Variants in KATNAL2 observed in about 807,000 individuals in gnomAD.
KATNAL2 encodes katanin catalytic subunit A1 like 2, also known as katanin p60 ATPase-containing subunit A-like 2.
Under a neutral mutation model 76.3 loss-of-function variants are expected in KATNAL2, and 52 were observed. The ratio of observed to expected loss-of-function variants is 0.68; its 90% CI spans 0.55 to 0.86. The LOEUF (loss-of-function observed/expected upper bound fraction) is 0.86. Among genes scored for constraint, KATNAL2 ranks in the 40% least tolerant of loss-of-function variants. The pLI is 0.00. For missense variants in KATNAL2, 660 were observed against 668.9 expected (o/e 0.99, Z 0.15); for synonymous variants, 243 against 244.2 (o/e 1.00, Z 0.05).
At chr18:47,083,408 A>C (rs1282496322) in intron 15 of KATNAL2, among the ~76,000 whole-genome samples, 1 of 152,212 alleles carries the variant, frequency 6.6e-6, no homozygotes, top group Non-Finnish European at 1.5e-5. Context: ...AATTCCTTAC[A>C]GTTAGTGGCA....
chr18:47,092,256 T>C lies in KATNAL2; in HGVS notation c.1212-6987T>C, dbSNP rs376687175. On this transcript the variant is annotated intron_variant, in intron 15 of 17. Transcript: ENST00000683218. ...GATCACGCCTGTAATCCCAGCACTT[T>C]GGGAGGCTGAGGCAAGCAGATCACT... Among the ~76,000 whole-genome samples, 75 of 152,200 alleles carry C rather than the reference T, an allele frequency of 4.9e-4. 3 individuals carry two copies. Among genetic ancestry groups the C allele is most frequent in the Admixed American group, 1.6e-3 (24 of 15,282 alleles).
In KATNAL2 at chr18:47,046,482, G is replaced by GA. The variant is rs1569075468; in HGVS notation, c.83dup (p.Asn28LysfsTer27). The GA allele has an allele frequency of 1.9e-5, 29 of 1,535,900 alleles. No homozygotes were observed. The highest frequency in any genetic ancestry group is 2.4e-5 in the Non-Finnish European group (28 of 1,146,792). On this transcript the variant is annotated frameshift_variant, in exon 4 of 18. Coordinates refer to ENST00000683218, the MANE Select transcript of KATNAL2 (RefSeq NM_001387690.1). LOFTEE classifies it high-confidence loss of function. ...TGCGAGATGAGGACAGAAGCACGAC[G>GA]AAAAAATCTTCTCATTTTGATTTCG...
At chr18:47,051,912 AAG>A (rs1477065864) in intron 4 of KATNAL2, among the ~76,000 whole-genome samples, 1 of 152,166 alleles carries the variant, frequency 6.6e-6, no homozygotes, top group African/African-American at 2.4e-5. Flanking sequence ...GAAAGAAAGA[AAG>A]AGAGAGAAGA....
intron 15 of KATNAL2, among the ~76,000 whole-genome samples, chr18:47,090,494 G>A (rs568123617): frequency 1.1e-4 from 16 of 152,186 alleles, no homozygotes; most frequent in African/African-American, 3.9e-4. Context: ...CATAATCTTT[G>A]GCCTCTGGAA....
At chr18:47,053,307 A>G (rs1312390725) in intron 5 of KATNAL2, among the ~76,000 whole-genome samples, 1 of 152,242 alleles carries the variant, frequency 6.6e-6, no homozygotes, top group South Asian at 2.1e-4. Flanking sequence ...TATCATAGGT[A>G]CTTTTCAGAT....
rs749385516 is a variant in KATNAL2, at chr18:47,077,398, A to G, written c.1148A>G (p.Gln383Arg). Residue 383 changes from glutamine (Q) to arginine (R), a missense_variant, in exon 15 of 18, where the codon CAG becomes CGG. Transcript: ENST00000683218. ...SLRMKTELLV[Q>R]MDGLARSEDL... ...CGGATGAAGACAGAGTTACTGGTGCAGATGGATGGGCTGGCACGCTCAGAA... is the reference window on the plus strand; with the variant it reads ...CGGATGAAGACAGAGTTACTGGTGCGGATGGATGGGCTGGCACGCTCAGAA... 6.2e-7 allele frequency: 1 copy of G among 1,614,090 alleles called. No homozygotes were observed. The highest frequency in any genetic ancestry group is 8.5e-7 in the Non-Finnish European group (1 of 1,179,918).
At chr18:47,031,659 G>C (rs1458073064) in intron 3 of KATNAL2, among the ~76,000 whole-genome samples, 1 of 152,154 alleles carries the variant, frequency 6.6e-6, no homozygotes. Flanking sequence ...GATTATTTTA[G>C]TAGAGATGGG....
chr18:47,101,991 T>C lies in KATNAL2; in HGVS notation c.*986T>C, dbSNP rs564988424. The C allele has an allele frequency of 1.3e-5, 2 of 152,322 alleles. No homozygotes were observed. The highest frequency in any genetic ancestry group is 4.1e-4 in the South Asian group (2 of 4,822). The allele number at this position is 152,322 out of a possible 1,614,324, so 9.4% of individuals were successfully genotyped here. A position where few individuals can be genotyped will look rare whatever the true frequency, so the allele number is the denominator to read the frequency against. On this transcript the variant is annotated 3_prime_UTR_variant, in exon 18 of 18. Transcript: ENST00000683218. ...CTTACCTATGGGAAATCACCTTCTT[T>C]TCTCTTCCTTGCCTTGTCTTCATCA...
At chr18:46,941,221 T>C (rs566331606) in intron 1 of KATNAL2, among the ~76,000 whole-genome samples, 1 of 149,346 alleles carries the variant, frequency 6.7e-6, no homozygotes, top group South Asian at 2.1e-4. Flanking sequence ...CTACTGGGGG[T>C]AGGGGTAGGG....
chr18:46,927,125 T>C (rs2146523199), intron 1 of KATNAL2, among the ~76,000 whole-genome samples: 1 of 152,302 alleles, frequency 6.6e-6, no homozygotes, highest in South Asian at 2.1e-4. Flanking sequence ...GATCCTGTCA[T>C]TATGATGTTA....
chr18:47,033,791 G>A (rs1162531677), intron 3 of KATNAL2: 2 of 1,614,200 alleles, frequency 1.2e-6, no homozygotes, highest in South Asian at 1.1e-5. Context: ...GGTGAAGAGA[G>A]TGCTTCTGGC....
chr18:47,042,711 A>G (rs1270884601), intron 3 of KATNAL2, among the ~76,000 whole-genome samples: 4 of 152,272 alleles, frequency 2.6e-5, no homozygotes, highest in South Asian at 4.1e-4. Context: ...ACACTGTGGG[A>G]AAAAAAGTCT....
chr18:47,033,017 A>G (rs568504684), intron 3 of KATNAL2: 21 of 1,614,138 alleles, frequency 1.3e-5, no homozygotes, highest in Admixed American at 6.7e-5. Flanking sequence ...CGTCGGGAGA[A>G]TCTTCTCTTG....
At chr18:47,093,867 T>C (rs902004997) in intron 15 of KATNAL2, among the ~76,000 whole-genome samples, 1 of 152,238 alleles carries the variant, frequency 6.6e-6, no homozygotes, top group African/African-American at 2.4e-5. Flanking sequence ...TCTTCTAAAT[T>C]TTCCATTGTG....
intron 12 of KATNAL2, 67 bp downstream of exon 12, chr18:47,069,350 G>T (rs1042291772): frequency 2.1e-6 from 3 of 1,433,232 alleles, no homozygotes; most frequent in Non-Finnish European, 2.9e-6. Context: ...TGCCCCTTCT[G>T]TCCTCACTTC....
chr18:47,063,251 T>C (rs1249053957), intron 9 of KATNAL2, 33 bp from the exon 10 acceptor site: 5 of 1,603,396 alleles, frequency 3.1e-6, no homozygotes, highest in South Asian at 2.2e-5. Flanking sequence ...TGAAGCAATA[T>C]TGTAATGTGA....
intron 3 of KATNAL2, among the ~76,000 whole-genome samples, chr18:46,955,105 C>CCCGT (rs2059686350): frequency 6.9e-6 from 1 of 143,896 alleles, no homozygotes; most frequent in South Asian, 2.3e-4. Context: ...CTCCCTCCCT[C>CCCGT]CCTTCCTTCC....
chr18:47,035,309 C>A, intron 3 of KATNAL2: 1 of 1,611,402 alleles, frequency 6.2e-7, no homozygotes. Flanking sequence ...GGTCGCAGCT[C>A]TGTCTTTGGG....
intron 1 of KATNAL2, among the ~76,000 whole-genome samples, chr18:46,922,632 C>T (rs367898961): frequency 1.3e-4 from 20 of 151,684 alleles, no homozygotes; most frequent in African/African-American, 3.4e-4. Context: ...CATGTCTATC[C>T]GCTAAAGAAA....
Sources: allele counts gnomAD v4.1 joint callset (sites outside exome capture counted in the v4.1 genomes callset), GRCh38; gene constraint gnomAD v4.1.1; transcripts MANE v1.5; gene names NCBI Gene and HGNC (gene_info 2026-07-23, HGNC 2026-07-21).